ATP13A4: variants seen among roughly 807,000 people sequenced by gnomAD.
ATP13A4 encodes the protein probable cation-transporting ATPase 13A4.
A neutral mutation model predicts 142.5 loss-of-function variants in ATP13A4; 114 were observed. That is an observed-to-expected ratio of 0.80 (90% CI 0.69 to 0.93). The LOEUF is 0.93. Among genes scored for constraint, ATP13A4 ranks in the 40% least tolerant of loss-of-function variants. The pLI, the probability that ATP13A4 is intolerant of heterozygous loss-of-function variation, is 0.00. For synonymous variants in ATP13A4, 488 were observed against 514.8 expected (o/e 0.95, Z 0.70); for missense variants, 1,392 against 1,454.0 (o/e 0.96, Z 0.69).
intron 25 of ATP13A4, among the ~76,000 whole-genome samples, chr3:193,418,004 C>T (rs1239258620): frequency 1.4e-5 from 2 of 143,652 alleles, no homozygotes; most frequent in Admixed American, 7.5e-5. Flanking sequence ...CGCCTGTAGT[C>T]CCAGCTACTT....
At chr3:193,411,500 G>A (rs1432315328) in intron 27 of ATP13A4, among the ~76,000 whole-genome samples, 2 of 152,046 alleles carry the variant, frequency 1.3e-5, no homozygotes, top group African/African-American at 4.8e-5. Context: ...CTCATCCCAG[G>A]AAGAAGAAAA....
Position 193,455,340 on chromosome 3 carries a change from C to CAAA in ATP13A4, c.1916-1131_1916-1129dup, listed in dbSNP as rs71179306. ...TGGGCAACAGAGCGAGACTCCGTCTCAAAAAAAAAAAAAAAAAAAAAAAGT... is the reference window on the plus strand; with the variant it reads ...TGGGCAACAGAGCGAGACTCCGTCTCAAAAAAAAAAAAAAAAAAAAAAAAAAGT... On this transcript the variant is annotated intron_variant, in intron 16 of 29. Coordinates refer to ENST00000342695, the MANE Select transcript of ATP13A4 (RefSeq NM_032279.4). 1.2e-3 allele frequency among the ~76,000 whole-genome samples: 89 copies of CAAA among 75,468 alleles called. 1 individual carries two copies. The highest frequency in any genetic ancestry group is 1.8e-3 in the African/African-American group (35 of 19,004). The allele number at this position is 75,468 out of a possible 152,430, so 49.5% of individuals were successfully genotyped here. A position where few individuals can be genotyped will look rare whatever the true frequency, so the allele number is the denominator to read the frequency against.
intron 2 of ATP13A4, among the ~76,000 whole-genome samples, chr3:193,568,469 T>C (rs1412814529): frequency 6.6e-6 from 1 of 152,180 alleles, no homozygotes; most frequent in Non-Finnish European, 1.5e-5. Flanking sequence ...TCCCATAACC[T>C]GGACTTAAAG....
Position 193,502,600 on chromosome 3 carries a change from T to C in ATP13A4, c.274A>G (p.Ile92Val), listed in dbSNP as rs915876920. The change falls in exon 3 of 30, where the codon ATC (isoleucine) becomes GTC (valine). Residue 92 changes from isoleucine (I) to valine (V), a missense_variant. Transcript: ENST00000342695. The part of the protein sequence containing the change: ...QIYSWKKVIW[I>V]YLSALNSAFG... ...GCGCTGTTTAATGCTGACAGGTAGA[T>C]CCATATTACCTTTTTCCAAGAGTAA... The C allele has an allele frequency of 8.7e-6, 14 of 1,613,802 alleles. No individual in the cohort carries two copies. In the Admixed American group the frequency reaches 1.0e-4, roughly 12 times the overall value.
In ATP13A4 at chr3:193,470,935, T is replaced by C. The variant is rs752058346; in HGVS notation, c.867A>G (p.Thr289=). 9 of 1,614,066 alleles carry C rather than the reference T, an allele frequency of 5.6e-6. No homozygotes were observed. The Admixed American group carries it at 1.0e-4, about 18-fold the overall frequency. The change falls in exon 9 of 30, where the codon ACA becomes ACG. Residue 289 remains threonine (T), a synonymous_variant. Coordinates refer to ENST00000342695, the MANE Select transcript of ATP13A4 (RefSeq NM_032279.4). ...CACATGGCATTAGCACTTTGTTCCC[T>C]GTCAAAATTAATAAATCTCCAGGCA... ...VLVPGDLLIL[T]GNKVLMPCDA...
chr3:193,522,681 G>A (rs764621615), intron 1 of ATP13A4, among the ~76,000 whole-genome samples: 2 of 152,180 alleles, frequency 1.3e-5, no homozygotes, highest in Non-Finnish European at 2.9e-5. Flanking sequence ...GCTAATGGAT[G>A]TGCTGCCCAG....
intron 1 of ATP13A4, among the ~76,000 whole-genome samples, chr3:193,588,243 T>G (rs553462143): frequency 2.0e-4 from 30 of 152,310 alleles, no homozygotes; most frequent in African/African-American, 7.2e-4. Context: ...AAGCTTCACC[T>G]TTATAAAGAC....
chr3:193,456,890 C>T, intron 16 of ATP13A4, 110 bp downstream of exon 16: 2 of 1,321,580 alleles, frequency 1.5e-6, no homozygotes, highest in Non-Finnish European at 1.1e-6. Flanking sequence ...CAGTGAGCCA[C>T]CCAATTGGTG....
intron 17 of ATP13A4, among the ~76,000 whole-genome samples, chr3:193,449,237 G>C (rs900382677): frequency 5.3e-5 from 8 of 152,184 alleles, no homozygotes; most frequent in Non-Finnish European, 1.2e-4. Flanking sequence ...ATATTCTACA[G>C]AACTGAGTGC....
chr3:193,493,185 A>T, intron 3 of ATP13A4, 25 bp from the exon 4 acceptor site: 1 of 1,601,064 alleles, frequency 6.2e-7, no homozygotes, highest in South Asian at 1.1e-5. Context: ...TACTAAGAAA[A>T]CCTCTAGTTT....
At chr3:193,425,728 A>G (rs1715626324) in intron 25 of ATP13A4, among the ~76,000 whole-genome samples, 2 of 151,772 alleles carry the variant, frequency 1.3e-5, no homozygotes, top group Non-Finnish European at 3.0e-5. Context: ...AGAGAGGAGA[A>G]GGGGATGGAG....
At chr3:193,459,560 C>T (rs1193964478) in intron 13 of ATP13A4, among the ~76,000 whole-genome samples, 2 of 152,152 alleles carry the variant, frequency 1.3e-5, no homozygotes, top group Non-Finnish European at 2.9e-5. Flanking sequence ...GCCTCAGCCT[C>T]CTGAATAGCT....
chr3:193,523,512 G>C (rs1577049165), intron 1 of ATP13A4, among the ~76,000 whole-genome samples: 1 of 152,288 alleles, frequency 6.6e-6, no homozygotes, highest in East Asian at 1.9e-4. Flanking sequence ...AATCAGTTAT[G>C]CCTGTGTAGT....
chr3:193,445,912 G>C (rs1262176099), intron 18 of ATP13A4, among the ~76,000 whole-genome samples: 1 of 151,650 alleles, frequency 6.6e-6, no homozygotes, highest in South Asian at 2.1e-4. Context: ...AAGGGGATTT[G>C]AAAAAGATAA....
In ATP13A4 at chr3:193,480,758, C is replaced by A. The variant is rs140136216; in HGVS notation, c.808+3178G>T. 2.8e-3 allele frequency among the ~76,000 whole-genome samples: 431 copies of A among 152,280 alleles called. 5 individuals are homozygous for A. Among genetic ancestry groups the A allele is most frequent in the African/African-American group, 9.4e-3 (390 of 41,568 alleles). The stretch of plus-strand genomic sequence containing the variant: ...ACTAAAAGTAAATCTACCATTTGAT[C>A]CAGCAATTCCACTCCTGAGTATCTA... On this transcript the variant is annotated intron_variant, in intron 8 of 29. Coordinates refer to ENST00000342695, the MANE Select transcript of ATP13A4 (RefSeq NM_032279.4).
intron 2 of ATP13A4, among the ~76,000 whole-genome samples, chr3:193,506,581 A>G (rs2108679570): frequency 6.6e-6 from 1 of 152,296 alleles, no homozygotes; most frequent in Non-Finnish European, 1.5e-5. Context: ...GAAGCAAGCT[A>G]TCTCGTGATA....
At chr3:193,490,004 A>G (rs1719859438) in intron 6 of ATP13A4, 140 bp from the exon 7 acceptor site, 1 of 936,614 alleles carries the variant, frequency 1.1e-6, no homozygotes, top group South Asian at 1.6e-5. Context: ...GGCAATTGAC[A>G]CGTGCCAGAC....
At chr3:193,453,382 C>T (rs963375725) in intron 17 of ATP13A4, among the ~76,000 whole-genome samples, 2 of 152,044 alleles carry the variant, frequency 1.3e-5, no homozygotes, top group Non-Finnish European at 2.9e-5. Flanking sequence ...CCTAGATTAG[C>T]TCCGTAACAG....
At chr3:193,507,740 T>C (rs1432866542) in intron 2 of ATP13A4, among the ~76,000 whole-genome samples, 1 of 152,146 alleles carries the variant, frequency 6.6e-6, no homozygotes, top group Non-Finnish European at 1.5e-5. Flanking sequence ...GGAGATATAG[T>C]GTGTAGTAAA....
Sources: allele counts gnomAD v4.1 joint callset (sites outside exome capture counted in the v4.1 genomes callset), GRCh38; gene constraint gnomAD v4.1.1; transcripts MANE v1.5; gene names NCBI Gene and HGNC (gene_info 2026-07-23, HGNC 2026-07-21).